Variants in PRKCH observed in about 807,000 individuals in gnomAD.
The protein encoded by PRKCH is protein kinase C eta type.
PRKCH carries 28 observed loss-of-function variants against 82.5 expected under a neutral mutation model. The ratio of observed to expected loss-of-function variants is 0.34; its 90% CI spans 0.25 to 0.47. The LOEUF is 0.47. Ranked by LOEUF, PRKCH falls within the 20% of genes least tolerant of loss-of-function variation. The pLI is 1.00. For synonymous variants in PRKCH, 322 were observed against 327.4 expected, an observed-to-expected ratio of 0.98 and a Z score of 0.18; for missense variants, 705 against 881.8, an observed-to-expected ratio of 0.80 and a Z score of 2.54.
intron 1 of PRKCH, among the ~76,000 whole-genome samples, chr14:61,385,572 T>C (rs2046575578): frequency 6.6e-6 from 1 of 152,126 alleles, no homozygotes; most frequent in Non-Finnish European, 1.5e-5. Context: ...ACTGTCAAGA[T>C]CAACGTTAAT....
At chr14:61,392,636 T>C (rs938429609) in intron 2 of PRKCH, among the ~76,000 whole-genome samples, 1 of 152,192 alleles carries the variant, frequency 6.6e-6, no homozygotes, top group African/African-American at 2.4e-5. Flanking sequence ...TTTCTGGATA[T>C]GAGTCCTTTG....
intron 1 of PRKCH, among the ~76,000 whole-genome samples, chr14:61,342,378 C>T (rs1253052201): frequency 6.6e-6 from 1 of 152,142 alleles, no homozygotes; most frequent in Non-Finnish European, 1.5e-5. Flanking sequence ...GTGAGTTAGT[C>T]AGTGAGCAGC....
chr14:61,397,273 G>A (rs951529658), intron 2 of PRKCH, among the ~76,000 whole-genome samples: 1 of 152,226 alleles, frequency 6.6e-6, no homozygotes, highest in Non-Finnish European at 1.5e-5. Context: ...TGGTGCCTCA[G>A]AGTCATTTAC....
intron 1 of PRKCH, among the ~76,000 whole-genome samples, chr14:61,189,037 G>GA (rs1481482545): frequency 6.6e-6 from 1 of 152,034 alleles, no homozygotes; most frequent in African/African-American, 2.4e-5. Flanking sequence ...TATTTGAACA[G>GA]AAAAAAGCAA....
chr14:61,482,248 C>T (rs1886012396), intron 9 of PRKCH, among the ~76,000 whole-genome samples: 1 of 152,200 alleles, frequency 6.6e-6, no homozygotes, highest in Non-Finnish European at 1.5e-5. Flanking sequence ...CTGCCCGCCT[C>T]AGCCTCCCAA....
rs148347601 is a variant in PRKCH at position 61,253,167 on chromosome 14, A to G, written c.-19+65499A>G. ...AGAAACACCGTTTGTGGACTGTGCC[A>G]TTTCTACAGCCCTTTAATACTTATG... On this transcript the variant is annotated intron_variant, in intron 1 of 3. Coordinates refer to the PRKCH transcript ENST00000555185. Among the ~76,000 whole-genome samples the G allele has an allele frequency of 6.6e-5, 10 of 152,346 alleles. 1 individual carries two copies. Among genetic ancestry groups the G allele is most frequent in the African/African-American group, 2.2e-4 (9 of 41,586 alleles).
Position 61,296,559 on chromosome 14 carries a change from T to C in PRKCH, c.-19+108891T>C, listed in dbSNP as rs149181016. On this transcript the variant is annotated intron_variant, in intron 1 of 3. Transcript: ENST00000555185. Reference sequence around the variant, plus strand: ...CACTTTCTTTCTCTAAAGTCCAAGATACGTTCAGTAGCCCCATAATCTCCT... The same window carrying C: ...CACTTTCTTTCTCTAAAGTCCAAGACACGTTCAGTAGCCCCATAATCTCCT... 5.5e-3 allele frequency among the ~76,000 whole-genome samples: 841 copies of C among 152,288 alleles called. 3 individuals carry two copies. Among genetic ancestry groups the C allele is most frequent in the African/African-American group, 0.019 (798 of 41,560 alleles).
chr14:61,188,367 G>A (rs962645168), intron 1 of PRKCH, among the ~76,000 whole-genome samples: 10 of 152,166 alleles, frequency 6.6e-5, no homozygotes, highest in African/African-American at 2.4e-4. Context: ...CCCGCCCACA[G>A]CCTGCAAACC....
chr14:61,212,118 C>T (rs779329387), intron 1 of PRKCH, among the ~76,000 whole-genome samples: 2 of 152,182 alleles, frequency 1.3e-5, no homozygotes, highest in Admixed American at 1.3e-4. Context: ...CTGCTGTGGT[C>T]TAGCAAGCCT....
At chr14:61,441,856 G>C (rs554256223) in intron 2 of PRKCH, among the ~76,000 whole-genome samples, 5 of 148,962 alleles carry the variant, frequency 3.4e-5, no homozygotes, top group South Asian at 4.3e-4. Flanking sequence ...TCAGTATATT[G>C]TCCAGGTGGT....
intron 1 of PRKCH, among the ~76,000 whole-genome samples, chr14:61,269,189 AAAAAG>A (rs2045129773): frequency 6.6e-6 from 1 of 152,174 alleles, no homozygotes; most frequent in South Asian, 2.1e-4. Context: ...TTTTTAGAGA[AAAAAG>A]AAATTTGTAG....
chr14:61,345,298 A>G (rs1287730756), intron 1 of PRKCH, among the ~76,000 whole-genome samples: 1 of 152,218 alleles, frequency 6.6e-6, no homozygotes, highest in Non-Finnish European at 1.5e-5. Flanking sequence ...AAACGTACTT[A>G]GTTTTCCAGA....
chr14:61,191,581 G>A (rs1223020459), intron 1 of PRKCH, among the ~76,000 whole-genome samples: 2 of 152,176 alleles, frequency 1.3e-5, no homozygotes, highest in African/African-American at 4.8e-5. Context: ...GCTGAGGCAG[G>A]GGAATCTCTT....
chr14:61,379,727 A>G (rs2046473300), intron 1 of PRKCH, among the ~76,000 whole-genome samples: 1 of 152,176 alleles, frequency 6.6e-6, no homozygotes, highest in African/African-American at 2.4e-5. Context: ...GGTGTGAAAG[A>G]AAGAAGGGGG....
chr14:61,234,320 G>C (rs141031779), intron 1 of PRKCH, among the ~76,000 whole-genome samples: 1 of 152,144 alleles, frequency 6.6e-6, no homozygotes, highest in African/African-American at 2.4e-5. Context: ...ATTAGGTAAG[G>C]GGGGGAAATT....
intron 1 of PRKCH, among the ~76,000 whole-genome samples, chr14:61,189,241 G>C (rs921864753): frequency 6.6e-6 from 1 of 152,216 alleles, no homozygotes; most frequent in Non-Finnish European, 1.5e-5. Flanking sequence ...CCAGCTTGCC[G>C]ATCTCCCAGC....
At chr14:61,388,183 T>C (rs1034721511) in intron 1 of PRKCH, among the ~76,000 whole-genome samples, 1 of 151,514 alleles carries the variant, frequency 6.6e-6, no homozygotes, top group African/African-American at 2.4e-5. Context: ...GAAATCCCCA[T>C]TGTGTGCAAC....
chr14:61,317,090 G>A (rs1036477878), upstream of PRKCH, among the ~76,000 whole-genome samples: 1 of 152,172 alleles, frequency 6.6e-6, no homozygotes, highest in Admixed American at 6.5e-5. Flanking sequence ...AATTTTGGGC[G>A]GCAGGCTGAG....
At chr14:61,433,051 A>AAAAAAAAAAAAC (rs1883494581) in intron 2 of PRKCH, among the ~76,000 whole-genome samples, 2 of 151,664 alleles carry the variant, frequency 1.3e-5, no homozygotes, top group African/African-American at 4.9e-5. Flanking sequence ...TTCAAAAAAA[A>AAAAAAAAAAAAC]AAAAAAAAAA....
Sources: allele counts gnomAD v4.1 joint callset (sites outside exome capture counted in the v4.1 genomes callset), GRCh38; gene constraint gnomAD v4.1.1; transcripts MANE v1.5; gene names NCBI Gene and HGNC (gene_info 2026-07-23, HGNC 2026-07-21).